Variants in GUCY1A1 observed in about 807,000 individuals in gnomAD.
The protein encoded by GUCY1A1 is guanylate cyclase soluble subunit alpha-1.
Under a neutral mutation model 64.5 loss-of-function variants are expected in GUCY1A1, and 48 were observed. That is an observed-to-expected ratio of 0.74 (90% CI 0.59 to 0.95). The LOEUF is 0.95. Among genes scored for constraint, GUCY1A1 ranks in the 40% least tolerant of loss-of-function variants. The pLI is 0.00. For synonymous variants in GUCY1A1, 308 were observed against 303.4 expected (o/e 1.02, Z -0.16); for missense variants, 804 against 825.3 (o/e 0.97, Z 0.32).
intron 2 of GUCY1A1, among the ~76,000 whole-genome samples, chr4:155,691,434 T>G (rs554221557): frequency 1.8e-4 from 28 of 152,360 alleles, no homozygotes; most frequent in African/African-American, 5.8e-4. Context: ...TGGGATTTTA[T>G]GTAATATTTT....
intron 2 of GUCY1A1, among the ~76,000 whole-genome samples, chr4:155,679,973 G>T (rs986929962): frequency 1.8e-4 from 28 of 152,102 alleles, no homozygotes; most frequent in Admixed American, 3.3e-4. Context: ...AACTTTTTAA[G>T]TTTTGAAGCA....
chr4:155,713,368 CT>C lies in GUCY1A1; in HGVS notation c.1359del (p.Leu454CysfsTer81). 5 of 1,614,180 alleles carry C rather than the reference CT, an allele frequency of 3.1e-6. No homozygotes were observed. Among genetic ancestry groups the C allele is most frequent in the Non-Finnish European group, 4.2e-6 (5 of 1,180,026 alleles). ...GGAGGAGAAGAAAAAGACAGTAGAC[CT>C]TCTGTGCTCCATATTTCCCTGTGAG... ...LEEEKKKTVD[L>X]LCSIFPCEVA... On this transcript the variant is annotated frameshift_variant, in exon 7 of 10. Coordinates refer to ENST00000506455, the MANE Select transcript of GUCY1A1 (RefSeq NM_001130682.3). LOFTEE classifies it high-confidence loss of function.
At chr4:155,681,191 T>C (rs943958704) in intron 2 of GUCY1A1, among the ~76,000 whole-genome samples, 14 of 152,090 alleles carry the variant, frequency 9.2e-5, no homozygotes, top group Admixed American at 3.9e-4. Flanking sequence ...TTAAAAAAAT[T>C]ATGATTGCAG....
intron 2 of GUCY1A1, among the ~76,000 whole-genome samples, chr4:155,677,117 G>A (rs938734575): frequency 2.0e-5 from 3 of 151,980 alleles, no homozygotes; most frequent in Admixed American, 6.6e-5. Context: ...CTGAAATTTC[G>A]TCCTTTAGAA....
At chr4:155,685,603 G>GTTTTTTT (rs70954055) in intron 2 of GUCY1A1, among the ~76,000 whole-genome samples, 21 of 108,882 alleles carry the variant, frequency 1.9e-4, no homozygotes, top group African/African-American at 5.6e-4. Flanking sequence ...TTCTCCTTGT[G>GTTTTTTT]TTTTTTTTTT....
intron 2 of GUCY1A1, among the ~76,000 whole-genome samples, chr4:155,685,421 A>G (rs941621609): frequency 7.9e-5 from 12 of 152,066 alleles, no homozygotes; most frequent in Non-Finnish European, 1.5e-4. Context: ...GTGCTCCAAT[A>G]AAAGTTTATT....
At chr4:155,695,108 T>C (rs1730247968) in intron 2 of GUCY1A1, among the ~76,000 whole-genome samples, 3 of 152,220 alleles carry the variant, frequency 2.0e-5, no homozygotes, top group Admixed American at 2.0e-4. Flanking sequence ...ATTTTGTTTA[T>C]AACTTTAGGT....
intron 9 of GUCY1A1, among the ~76,000 whole-genome samples, chr4:155,728,137 A>G (rs1326107832): frequency 2.6e-5 from 4 of 151,930 alleles, no homozygotes; most frequent in Non-Finnish European, 5.9e-5. Context: ...TATGTTTCTG[A>G]GATAGTTTCC....
chr4:155,715,787 T>A lies in GUCY1A1; in HGVS notation c.1573-1372T>A, dbSNP rs563485060. ...TTCATTCATTACTGGGCACAGGTAATGTAGGAGTCAATAAACTAGATAAAC... is the reference window on the plus strand; with the variant it reads ...TTCATTCATTACTGGGCACAGGTAAAGTAGGAGTCAATAAACTAGATAAAC... On this transcript the variant is annotated intron_variant, in intron 7 of 9. Coordinates refer to ENST00000506455, the MANE Select transcript of GUCY1A1 (RefSeq NM_001130682.3). 8.5e-5 allele frequency among the ~76,000 whole-genome samples: 13 copies of A among 152,306 alleles called. 1 individual carries two copies. The East Asian group carries it at 2.5e-3, about 29-fold the overall frequency.
At chr4:155,678,989 ATGGAATTGTTTATTTT>A (rs1735321442) in intron 2 of GUCY1A1, among the ~76,000 whole-genome samples, 1 of 152,186 alleles carries the variant, frequency 6.6e-6, no homozygotes, top group Non-Finnish European at 1.5e-5. Context: ...CCATTTTAAA[ATGGAATTGTTTATTTT>A]CTTACTGAGT....
chr4:155,724,696 T>A (rs1734422704), intron 9 of GUCY1A1, among the ~76,000 whole-genome samples: 1 of 152,158 alleles, frequency 6.6e-6, no homozygotes, highest in Non-Finnish European at 1.5e-5. Context: ...ACCAAACCTT[T>A]GTTGCCGTGC....
At chr4:155,698,216 G>A (rs1265840456) in intron 3 of GUCY1A1, among the ~76,000 whole-genome samples, 1 of 151,000 alleles carries the variant, frequency 6.6e-6, no homozygotes, top group East Asian at 1.9e-4. Context: ...GACTGAGAAA[G>A]AAGAAATTGA....
chr4:155,696,884 T>C lies in GUCY1A1; in HGVS notation c.17T>C (p.Leu6Pro), dbSNP rs1730478686. MFCTK[L>P]KDLKITGECP... ...ACCAACACCATGTTCTGCACGAAGCTCAAGGATCTCAAGATCACAGGAGAG... is the reference window on the plus strand; with the variant it reads ...ACCAACACCATGTTCTGCACGAAGCCCAAGGATCTCAAGATCACAGGAGAG... Residue 6 changes from leucine to proline, a missense_variant, in exon 3 of 10, where the codon CTC becomes CCC. Physicochemically the swap from Leu to Pro is moderately conservative, Grantham distance 98 (BLOSUM62 -3). Coordinates refer to ENST00000506455, the MANE Select transcript of GUCY1A1 (RefSeq NM_001130682.3). The C allele has an allele frequency of 1.2e-6, 2 of 1,613,588 alleles. No homozygotes were observed. Among genetic ancestry groups the C allele is most frequent in the Non-Finnish European group, 1.7e-6 (2 of 1,179,632 alleles).
intron 2 of GUCY1A1, among the ~76,000 whole-genome samples, chr4:155,694,265 A>C (rs1214182288): frequency 6.6e-6 from 1 of 152,168 alleles, no homozygotes; most frequent in Non-Finnish European, 1.5e-5. Flanking sequence ...GATCCCAGCC[A>C]GGCACAGTGG....
chr4:155,682,927 C>T (rs1736011235), intron 2 of GUCY1A1, among the ~76,000 whole-genome samples: 1 of 151,932 alleles, frequency 6.6e-6, no homozygotes, highest in Non-Finnish European at 1.5e-5. Flanking sequence ...TTTTCTGGTT[C>T]ATGTTTTGCC....
Position 155,732,548 on chromosome 4 carries a change from T to C in GUCY1A1, c.*2317T>C, listed in dbSNP as rs1056077532. 1.3e-5 allele frequency among the ~76,000 whole-genome samples: 2 copies of C among 151,916 alleles called. No individual in the cohort carries two copies. Among genetic ancestry groups the C allele is most frequent in the Admixed American group, 6.6e-5 (1 of 15,214 alleles). ...TCTCTATCTTATCTGCTTTGAAGCA[T>C]AGCGATTAGCGAGAAACTTTTCAGA... On this transcript the variant is annotated 3_prime_UTR_variant, in exon 10 of 10. Transcript: ENST00000506455.
At chr4:155,714,906 A>G (rs1205414091) in intron 7 of GUCY1A1, among the ~76,000 whole-genome samples, 1 of 152,170 alleles carries the variant, frequency 6.6e-6, no homozygotes, top group Admixed American at 6.5e-5. Flanking sequence ...GCCATTTTCT[A>G]TCTTGAGACG....
intron 9 of GUCY1A1, among the ~76,000 whole-genome samples, chr4:155,729,806 T>C (rs2110770392): frequency 6.6e-6 from 1 of 151,966 alleles, no homozygotes; most frequent in South Asian, 2.1e-4. Flanking sequence ...TATAATTTTT[T>C]CCAGTGTAAG....
chr4:155,711,442 A>C, intron 6 of GUCY1A1, 191 bp downstream of exon 6: 2 of 433,182 alleles, frequency 4.6e-6, no homozygotes, highest in Non-Finnish European at 8.2e-6. Flanking sequence ...TACTTGATTC[A>C]TTACTCCAAA....
Sources: allele counts gnomAD v4.1 joint callset (sites outside exome capture counted in the v4.1 genomes callset), GRCh38; gene constraint gnomAD v4.1.1; transcripts MANE v1.5; gene names NCBI Gene and HGNC (gene_info 2026-07-23, HGNC 2026-07-21).